Variants in TMEM44 observed in about 807,000 individuals in gnomAD.
TMEM44 encodes the protein transmembrane protein 44.
Under a neutral mutation model 47.8 loss-of-function variants are expected in TMEM44, and 43 were observed. The ratio of observed to expected loss-of-function variants is 0.90; its 90% CI spans 0.70 to 1.16. The LOEUF is 1.16. Among genes scored for constraint, TMEM44 ranks in the 50% most tolerant of loss-of-function variants. The pLI is 0.00. For synonymous variants in TMEM44, 277 were observed against 238.8 expected (o/e 1.16, Z -1.48); for missense variants, 568 against 555.2 (o/e 1.02, Z -0.23).
In TMEM44 at chr3:194,612,528, C is replaced by T. The variant is rs904636609; in HGVS notation, c.913-1508G>A. Among the ~76,000 whole-genome samples, 14 of 150,804 alleles carry T rather than the reference C, an allele frequency of 9.3e-5. No homozygotes were observed. The East Asian group carries it at 1.2e-3, about 13-fold the overall frequency. On this transcript the variant is annotated intron_variant, in intron 7 of 9. Coordinates refer to ENST00000347147, the MANE Select transcript of TMEM44 (RefSeq NM_001011655.3). The stretch of plus-strand genomic sequence containing the variant: ...CCCATCACTTCCTCCATCCTGGCCA[C>T]GGAGGAAGTTACTCACAGCCTCACA...
intron 5 of TMEM44, among the ~76,000 whole-genome samples, chr3:194,620,891 G>A (rs760167412): frequency 2.6e-5 from 4 of 152,122 alleles, no homozygotes; most frequent in African/African-American, 4.8e-5. Context: ...GCCGGGCGTG[G>A]TGGCGTGTGC....
chr3:194,622,918 T>C (rs988039381), intron 5 of TMEM44: 9 of 285,948 alleles, frequency 3.1e-5, no homozygotes, highest in African/African-American at 6.9e-5. Flanking sequence ...CCTTCTCTTA[T>C]GGGTTCAGCC....
chr3:194,618,559 AAGTTTATATATAATTT>A (rs1465216820), intron 5 of TMEM44, among the ~76,000 whole-genome samples: 1 of 60,168 alleles, frequency 1.7e-5, no homozygotes, highest in Non-Finnish European at 3.2e-5. Flanking sequence ...ATATATAGTT[AAGTTTATATATAATTT>A]AGTTTATATA....
chr3:194,618,814 CT>C lies in TMEM44; in HGVS notation c.613-1546del, dbSNP rs367954807. On this transcript the variant is annotated intron_variant, in intron 5 of 9. Coordinates refer to ENST00000347147, the MANE Select transcript of TMEM44 (RefSeq NM_001011655.3). ...GAATCCTTAAGAGTGTCACATTTCC[CT>C]CTGCGTCCCCTCCAGTTTTGTCTCC... is the stretch of plus-strand genomic sequence containing the variant. 3.8e-3 allele frequency among the ~76,000 whole-genome samples: 580 copies of C among 152,304 alleles called. 7 individuals carry two copies. Among genetic ancestry groups the C allele is most frequent in the African/African-American group, 0.013 (554 of 41,568 alleles).
At chr3:194,615,991 G>C (rs1011014063) in intron 6 of TMEM44, among the ~76,000 whole-genome samples, 4 of 152,070 alleles carry the variant, frequency 2.6e-5, no homozygotes, top group African/African-American at 9.7e-5. Flanking sequence ...CTGGCTTACA[G>C]TGACAATACA....
At chr3:194,631,112 G>T (rs189771232) in intron 1 of TMEM44, among the ~76,000 whole-genome samples, 1 of 145,386 alleles carries the variant, frequency 6.9e-6, no homozygotes, top group South Asian at 2.2e-4. Context: ...TTCTATTGGC[G>T]TCACCGATAG....
intron 7 of TMEM44, among the ~76,000 whole-genome samples, chr3:194,614,117 C>T (rs914085024): frequency 8.6e-5 from 13 of 151,894 alleles, no homozygotes; most frequent in Admixed American, 5.9e-4. Context: ...AGCAAAACTC[C>T]GTCTCCAAAA....
intron 2 of TMEM44, 95 bp from the exon 3 acceptor site, chr3:194,626,085 A>G (rs1717148358): frequency 2.2e-6 from 2 of 917,920 alleles, no homozygotes; most frequent in South Asian, 1.4e-5. Context: ...CATGGGTTAC[A>G]CTGATGCGGT....
intron 1 of TMEM44, among the ~76,000 whole-genome samples, chr3:194,630,349 T>C (rs1402668009): frequency 2.4e-5 from 2 of 82,250 alleles, no homozygotes; most frequent in Non-Finnish European, 2.3e-5. Context: ...GCCCCTGAAA[T>C]GATACGCTGT....
chr3:194,616,997 A>C, intron 6 of TMEM44, 102 bp downstream of exon 6: 1 of 1,303,992 alleles, frequency 7.7e-7, no homozygotes, highest in African/African-American at 1.5e-5. Flanking sequence ...GGAGAGTTCC[A>C]TCTAGCAAGA....
chr3:194,588,914 A>C, intron 9 of TMEM44: 1 of 446,560 alleles, frequency 2.2e-6, no homozygotes, highest in Non-Finnish European at 4.1e-6. Context: ...TGCCTCTACC[A>C]AGTCCTTATC....
intron 9 of TMEM44, among the ~76,000 whole-genome samples, chr3:194,598,086 C>T (rs1713637851): frequency 6.6e-6 from 1 of 152,154 alleles, no homozygotes; most frequent in African/African-American, 2.4e-5. Flanking sequence ...TGGAGTATGC[C>T]GTCTGCTATG....
rs148756295 is a variant in TMEM44 at position 194,632,401 on chromosome 3, T to C, written c.137+678A>G. The stretch of plus-strand genomic sequence containing the variant: ...AGGGAATGCTTGGGCGGCACCATCC[T>C]GAGCACTGCTAGTGGATTTCCATGC... On this transcript the variant is annotated intron_variant, in intron 1 of 9. Transcript: ENST00000347147. 2.6e-3 allele frequency among the ~76,000 whole-genome samples: 393 copies of C among 152,320 alleles called. 2 individuals carry two copies. Among genetic ancestry groups the C allele is most frequent in the Admixed American group, 6.1e-3 (94 of 15,296 alleles).
intron 6 of TMEM44, 64 bp from the exon 7 acceptor site, chr3:194,615,761 C>T (rs983898901): frequency 3.8e-6 from 6 of 1,585,418 alleles, no homozygotes; most frequent in Non-Finnish European, 5.2e-6. Flanking sequence ...GCCCTTCACC[C>T]CTCCACACCA....
In TMEM44 at chr3:194,615,731, T is replaced by G. The variant is rs1168670919; in HGVS notation, c.784-34A>C. ...GTGTAAGTTAAGGTAGGAAGCAGAA[T>G]ATTCCAGCTGCCTAGCGTGGCCCTT... On this transcript the variant is annotated intron_variant, in intron 6 of 9. Coordinates refer to ENST00000347147, the MANE Select transcript of TMEM44 (RefSeq NM_001011655.3). The G allele has an allele frequency of 1.9e-6, 3 of 1,610,642 alleles. No homozygotes were observed. The East Asian group carries it at 6.7e-5, about 36-fold the overall frequency.
At position 194,629,714 on chromosome 3, in the gene TMEM44, C is replaced by T. The variant is rs184533680; in HGVS notation, c.138-1205G>A. Among the ~76,000 whole-genome samples, 746 of 136,294 alleles carry T rather than the reference C, an allele frequency of 5.5e-3. 7 individuals carry two copies. Among genetic ancestry groups the T allele is most frequent in the African/African-American group, 0.02 (695 of 34,396 alleles). The allele number at this position is 136,294 out of a possible 152,430, so 89.4% of individuals were successfully genotyped here. ...CAGGGCCCCTGAAATAATACGCTGT[C>T]GTACCTGCCTCCCGGAGGGGCTGGC... On this transcript the variant is annotated intron_variant, in intron 1 of 9. Transcript: ENST00000347147.
chr3:194,630,491 ATAG>A, intron 1 of TMEM44, among the ~76,000 whole-genome samples: 1 of 21,988 alleles, frequency 4.5e-5, no homozygotes, highest in Admixed American at 3.3e-4. Flanking sequence ...GGCCCCTGAA[ATAG>A]TATGCTGTCG....
intron 8 of TMEM44, among the ~76,000 whole-genome samples, chr3:194,608,797 G>A (rs1047143017): frequency 2.0e-5 from 3 of 152,166 alleles, no homozygotes; most frequent in Admixed American, 2.0e-4. Context: ...CCTACCTCAG[G>A]TTCCCAAAGT....
Position 194,623,235 on chromosome 3 carries a change from G to A in TMEM44, c.601C>T (p.Leu201Phe). ...ACCCCCGGCCTCACAATTCTGGAGA[G>A]AGGGGGGATCCGAGAAGCCCAGGAG... The part of the protein sequence containing the change: ...FGSWASRIPP[L>F]SRICRGKTFP... Residue 201 changes from leucine to phenylalanine, a missense_variant, in exon 5 of 10, where the codon CTC (leucine) becomes TTC (phenylalanine). Leu to Phe is a conservative substitution (Grantham distance 22, BLOSUM62 0). Transcript: ENST00000347147. 6.2e-7 allele frequency: 1 copy of A among 1,609,570 alleles called. No homozygotes were observed. Among genetic ancestry groups the A allele is most frequent in the Non-Finnish European group, 8.5e-7 (1 of 1,178,144 alleles).
Sources: gnomAD v4.1 joint callset for allele counts (sites outside exome capture counted in the v4.1 genomes callset) on GRCh38, gnomAD v4.1.1 for gene constraint, MANE v1.5 for transcripts, NCBI Gene and HGNC (gene_info 2026-07-23, HGNC 2026-07-21) for gene names.